NPC1: variants seen among roughly 807,000 people sequenced by gnomAD.
NPC1 encodes the protein NPC intracellular cholesterol transporter 1.
A neutral mutation model predicts 140.4 loss-of-function variants in NPC1; 85 were observed. The ratio of observed to expected loss-of-function variants is 0.61; its 90% CI spans 0.51 to 0.72. NPC1 has a LOEUF of 0.72. Among genes scored for constraint, NPC1 ranks in the 30% least tolerant of loss-of-function variants. NPC1 has a pLI of 0.00. For synonymous variants in NPC1, 656 were observed against 624.8 expected, an observed-to-expected ratio of 1.05 and a Z score of -0.74; for missense variants, 1,504 against 1,623.8, an observed-to-expected ratio of 0.93 and a Z score of 1.27.
intron 3 of NPC1, among the ~76,000 whole-genome samples, chr18:23,514,152 T>A (rs544365251): frequency 6.6e-6 from 1 of 152,338 alleles, no homozygotes; most frequent in East Asian, 1.9e-4. Flanking sequence ...TAATTTAGAA[T>A]GTATGGTTAG....
intron 1 of NPC1, among the ~76,000 whole-genome samples, chr18:23,523,971 C>G (rs1013469802): frequency 6.6e-6 from 1 of 152,142 alleles, no homozygotes; most frequent in African/African-American, 2.4e-5. Flanking sequence ...CCTCCCCGTA[C>G]GTGCTTTCAG....
chr18:23,509,366 T>TAC (rs2057789824), intron 3 of NPC1: 1 of 402,946 alleles, frequency 2.5e-6, no homozygotes, highest in Admixed American at 4.8e-5. Context: ...AATATATATA[T>TAC]ATATATTTTA....
chr18:23,582,567 G>A (rs906270371), intron 1 of NPC1, among the ~76,000 whole-genome samples: 2 of 151,002 alleles, frequency 1.3e-5, no homozygotes, highest in South Asian at 2.1e-4. Context: ...TTTGGGAGGC[G>A]GAGGTGGATG....
intron 4 of NPC1, among the ~76,000 whole-genome samples, chr18:23,566,104 TAAA>T (rs1057483060): frequency 6.6e-6 from 1 of 151,994 alleles, no homozygotes; most frequent in African/African-American, 2.4e-5. Context: ...GCCTCAACAT[TAAA>T]AAAATAATGG....
downstream of NPC1, among the ~76,000 whole-genome samples, chr18:23,524,941 CTTTTTTTTTT>C (rs5823396): frequency 5.8e-5 from 4 of 69,210 alleles, no homozygotes; most frequent in Admixed American, 2.3e-4. Flanking sequence ...TTAGAGAAAT[CTTTTTTTTTT>C]TTTTTTTTTT....
chr18:23,520,614 C>T (rs868801037), downstream of NPC1, among the ~76,000 whole-genome samples: 12 of 152,044 alleles, frequency 7.9e-5, no homozygotes, highest in South Asian at 2.1e-4. Context: ...TGTGTGCCAC[C>T]GTGCCCAGCT....
At position 23,548,035 on chromosome 18, in the gene NPC1, C is replaced by T. The variant is rs1218395394; in HGVS notation, c.1728G>A (p.Lys576=). The T allele has an allele frequency of 6.2e-7, 1 of 1,610,266 alleles. No homozygotes were observed. Among genetic ancestry groups the T allele is most frequent in the East Asian group, 2.2e-5 (1 of 44,858 alleles). Residue 576 remains lysine (K), a synonymous_variant, in exon 11 of 25, where the codon AAG becomes AAA. Coordinates refer to ENST00000269228, the MANE Select transcript of NPC1 (RefSeq NM_000271.5). ...TTTCCCAGGCCTGGGCCCTCTGGAG[C>T]TTCTCTGTATCATTATAGTAATTAT... is the stretch of plus-strand genomic sequence containing the variant. ...PVNNYYNDTE[K]LQRAQAWEKE...
Position 23,561,485 on chromosome 18 carries a change from T to C in NPC1, c.506A>G (p.Asn169Ser). Residue 169 changes from asparagine to serine, a missense_variant, in exon 5 of 25, where the codon AAT becomes AGT. Physicochemically the swap from Asn to Ser is conservative, Grantham distance 46. Transcript: ENST00000269228. ...ACRDVEAPSS[N>S]DKALGLLCGK... ...ACACAGGAGTCCCAGGGCCTTGTCATTACTTGAGGGGGCCTCCACATCCCG... is the reference window on the plus strand; with the variant it reads ...ACACAGGAGTCCCAGGGCCTTGTCACTACTTGAGGGGGCCTCCACATCCCG... 6.2e-7 allele frequency: 1 copy of C among 1,614,130 alleles called. No homozygotes were observed. The highest frequency in any genetic ancestry group is 8.5e-7 in the Non-Finnish European group (1 of 1,180,004).
chr18:23,577,767 C>T (rs1173819238), intron 1 of NPC1, among the ~76,000 whole-genome samples: 3 of 152,240 alleles, frequency 2.0e-5, no homozygotes, highest in Non-Finnish European at 2.9e-5. Flanking sequence ...GGTCCCGAGC[C>T]CTGCCCCGTG....
At chr18:23,550,479 C>CTTCTTTTTTTTTTTTTTTTTTTTT (rs746388624) in intron 10 of NPC1, among the ~76,000 whole-genome samples, 15 of 74,948 alleles carry the variant, frequency 2.0e-4, no homozygotes, top group African/African-American at 9.7e-4. Context: ...TCTTACATTT[C>CTTCTTTTTTTTTTTTTTTTTTTTT]TTTTTTTTTT....
intron 16 of NPC1, 43 bp from the exon 17 acceptor site, chr18:23,540,580 A>C: frequency 1.5e-6 from 2 of 1,325,660 alleles, no homozygotes; most frequent in Non-Finnish European, 2.2e-6. Context: ...TGCTTAGTAA[A>C]TAAGCTTACG....
chr18:23,550,476 T>A (rs2058852692), intron 10 of NPC1, among the ~76,000 whole-genome samples: 1 of 104,438 alleles, frequency 9.6e-6, no homozygotes, highest in Non-Finnish European at 1.8e-5. Context: ...AGTTCTTACA[T>A]TTCTTTTTTT....
chr18:23,564,709 CTT>C lies in NPC1; in HGVS notation c.464-3184_464-3183del, dbSNP rs541188892. ...ATTAATCTTTTCTTCTGTTATTGCT[CTT>C]GTTTTTGGTGTCATATTTAAGAATC... On this transcript the variant is annotated intron_variant, in intron 4 of 24. Transcript: ENST00000269228. Among the ~76,000 whole-genome samples the C allele has an allele frequency of 1.4e-3, 214 of 152,242 alleles. 1 individual carries two copies. Among genetic ancestry groups the C allele is most frequent in the African/African-American group, 4.5e-3 (186 of 41,542 alleles).
chr18:23,513,762 G>T (rs182105117), intron 3 of NPC1, among the ~76,000 whole-genome samples: 2 of 152,002 alleles, frequency 1.3e-5, no homozygotes, highest in African/African-American at 4.8e-5. Context: ...TTTGATTTGC[G>T]CTCTTTGTTG....
At chr18:23,524,335 T>G, downstream of NPC1, 1 of 1,510,712 alleles carries the variant, frequency 6.6e-7, no homozygotes, top group South Asian at 1.1e-5. Flanking sequence ...TAGCGTGGAC[T>G]CAGTACATGG....
downstream of NPC1, chr18:23,530,663 AGAGGGCACTGGCAGCTGGTGGGC>A (rs752926100): frequency 2.6e-6 from 4 of 1,554,790 alleles, no homozygotes; most frequent in Non-Finnish European, 2.6e-6. Context: ...AAAGAGTAGC[AGAGGGCACTGGCAGCTGGTGGGC>A]GAGGACCCTG....
At chr18:23,546,338 A>C (rs1041354839) in intron 11 of NPC1, among the ~76,000 whole-genome samples, 2 of 151,816 alleles carry the variant, frequency 1.3e-5, no homozygotes, top group African/African-American at 4.8e-5. Flanking sequence ...ACCCATGAAG[A>C]TAGCTAGAAT....
downstream of NPC1, chr18:23,530,721 A>AATT (rs1335337976): frequency 1.1e-5 from 11 of 1,022,858 alleles, no homozygotes; most frequent in Admixed American, 1.8e-4. Flanking sequence ...TAAACAACAC[A>AATT]ATTTGATAAC....
chr18:23,517,813 G>A (rs2058048635), downstream of NPC1, among the ~76,000 whole-genome samples: 1 of 152,040 alleles, frequency 6.6e-6, no homozygotes, highest in Admixed American at 6.6e-5. Context: ...CGCCTTCTAG[G>A]TTCAAGTGAT....
Sources: allele counts gnomAD v4.1 joint callset (sites outside exome capture counted in the v4.1 genomes callset), GRCh38; gene constraint gnomAD v4.1.1; transcripts MANE v1.5; gene names NCBI Gene and HGNC (gene_info 2026-07-23, HGNC 2026-07-21).